CD274: variants seen among roughly 807,000 people sequenced by gnomAD.
The protein encoded by CD274 is programmed cell death 1 ligand 1.
CD274 carries 8 observed loss-of-function variants against 30.1 expected under a neutral mutation model. The ratio of observed to expected loss-of-function variants is 0.27; its 90% CI spans 0.16 to 0.48. CD274 has a LOEUF of 0.48. CD274 is among the 20% of genes least tolerant of loss of function. The probability of loss-of-function intolerance (pLI) is 0.99; values close to 1 mark genes in which losing one functional copy is unlikely to be tolerated. For synonymous variants in CD274, 152 were observed against 124.6 expected (o/e 1.22, Z -1.46); for missense variants, 353 against 346.6 (o/e 1.02, Z -0.15).
intron 5 of CD274, among the ~76,000 whole-genome samples, chr9:5,466,241 T>C (rs1819496074): frequency 6.6e-6 from 1 of 152,170 alleles, no homozygotes; most frequent in African/African-American, 2.4e-5. Context: ...GGAAGGGGAT[T>C]CCAATAGTCG....
chr9:5,466,602 C>A (rs984245532), intron 5 of CD274, among the ~76,000 whole-genome samples, 168 bp from the exon 6 acceptor site: 1 of 151,900 alleles, frequency 6.6e-6, no homozygotes, highest in Admixed American at 6.6e-5. Flanking sequence ...ATGTGCCCTA[C>A]ACTATTGAAT....
chr9:5,459,913 C>T (rs1819374471), intron 3 of CD274, among the ~76,000 whole-genome samples: 1 of 151,986 alleles, frequency 6.6e-6, no homozygotes. Context: ...CCCCAAAATT[C>T]CCAGCCCTGT....
At position 5,450,590 on chromosome 9, in the gene CD274, C is replaced by T. The variant is rs955903612; in HGVS notation, c.-21C>T. On this transcript the variant is annotated 5_prime_UTR_variant, in exon 1 of 7. Coordinates refer to ENST00000381577, the MANE Select transcript of CD274 (RefSeq NM_014143.4). ...TCCGCACCAGCCGCGCTTCTGTCCG[C>T]CTGCAGGTAGGGAGCGTTGTTCCTC... 2.0e-5 allele frequency: 3 copies of T among 152,358 alleles called. No homozygotes were observed. The highest frequency in any genetic ancestry group is 7.2e-5 in the African/African-American group (3 of 41,478). The allele number at this position is 152,358 out of a possible 1,614,324, so 9.4% of individuals were successfully genotyped here. A position where few individuals can be genotyped will look rare whatever the true frequency, so the allele number is the denominator to read the frequency against.
intron 1 of CD274, among the ~76,000 whole-genome samples, chr9:5,452,427 T>TC (rs1464418946): frequency 6.6e-6 from 1 of 152,186 alleles, no homozygotes; most frequent in Non-Finnish European, 1.5e-5. Context: ...CAAACCCACT[T>TC]CCCCAACCTG....
chr9:5,470,412 T>C lies in CD274; in HGVS notation c.*2550T>C. ...TCGTAAATGGCATAGGCAGAGATGA[T>C]ACCTAATTCTGCATTTGATTGTCAC... On this transcript the variant is annotated 3_prime_UTR_variant, in exon 7 of 7. Transcript: ENST00000381577. The C allele has an allele frequency of 4.3e-6, 1 of 230,942 alleles. No individual in the cohort carries two copies. Among genetic ancestry groups the C allele is most frequent in the East Asian group, 6.1e-5 (1 of 16,262 alleles). The allele number at this position is 230,942 out of a possible 1,614,324, so 14.3% of individuals were successfully genotyped here. A position where few individuals can be genotyped will look rare whatever the true frequency, so the allele number is the denominator to read the frequency against.
In CD274 at chr9:5,468,072, A is replaced by G. The variant is rs1819526996; in HGVS notation, c.*210A>G. 8 of 587,498 alleles carry G rather than the reference A, an allele frequency of 1.4e-5. No individual in the cohort carries two copies. The highest frequency in any genetic ancestry group is 3.0e-5 in the Admixed American group (1 of 32,986). 36.4% of individuals were successfully genotyped at this position (587,498 alleles called of 1,614,324 possible). ...AGTCAAACAGGGAGCCTGGAGGGAG[A>G]CCTTGATACTTTCAAATGCCTGAGG... On this transcript the variant is annotated 3_prime_UTR_variant, in exon 7 of 7. Transcript: ENST00000381577.
At chr9:5,467,632 C>A (rs1234976195) in intron 6 of CD274, among the ~76,000 whole-genome samples, 1 of 152,116 alleles carries the variant, frequency 6.6e-6, no homozygotes, top group Admixed American at 6.5e-5. Flanking sequence ...TGCTGGGGGA[C>A]AAGCCATCCC....
chr9:5,456,550 T>TAAGGAACTC (rs2131209713), intron 2 of CD274, among the ~76,000 whole-genome samples: 1 of 152,186 alleles, frequency 6.6e-6, no homozygotes, highest in African/African-American at 2.4e-5. Flanking sequence ...TGAGGATACT[T>TAAGGAACTC]TAAGGAAGAA....
chr9:5,453,680 T>C (rs1432413930), intron 1 of CD274, among the ~76,000 whole-genome samples: 1 of 152,220 alleles, frequency 6.6e-6, no homozygotes, highest in African/African-American at 2.4e-5. Context: ...ATTAAATGTA[T>C]GATAAGGTTA....
intron 3 of CD274, among the ~76,000 whole-genome samples, chr9:5,458,652 G>T (rs891076770): frequency 1.3e-5 from 2 of 152,132 alleles, no homozygotes; most frequent in African/African-American, 4.8e-5. Context: ...AAAATCATGT[G>T]GGGATTAAGA....
chr9:5,452,092 C>G (rs1819216259), intron 1 of CD274, among the ~76,000 whole-genome samples: 1 of 141,836 alleles, frequency 7.1e-6, no homozygotes, highest in Non-Finnish European at 1.5e-5. Context: ...GTGGTGCAAT[C>G]TCAGCTCACT....
In CD274 at chr9:5,457,089, C is replaced by G. The variant is rs1204651428; in HGVS notation, c.63C>G (p.Val21=). ...TYWHLLNAFT[V]TVPKDLYVVE... is the part of the protein sequence containing the mutation. ...CTTCTTTCTTTTTAGCATTTACTGT[C>G]ACGGTTCCCAAGGACCTATATGTGG... The change falls in exon 3 of 7, where the codon GTC becomes GTG. Residue 21 remains valine, a synonymous_variant. Coordinates refer to ENST00000381577, the MANE Select transcript of CD274 (RefSeq NM_014143.4). The G allele has an allele frequency of 1.3e-6, 2 of 1,598,818 alleles. No individual in the cohort carries two copies. The highest frequency in any genetic ancestry group is 2.7e-5 in the African/African-American group (2 of 74,528).
In CD274 at chr9:5,468,743, G is replaced by T. The variant is rs1269126052; in HGVS notation, c.*881G>T. The T allele has an allele frequency of 8.6e-6, 2 of 232,994 alleles. No individual in the cohort carries two copies. The highest frequency in any genetic ancestry group is 1.7e-5 in the Non-Finnish European group (2 of 117,944). The allele number at this position is 232,994 out of a possible 1,614,324, so 14.4% of individuals were successfully genotyped here. A position where few individuals can be genotyped will look rare whatever the true frequency, so the allele number is the denominator to read the frequency against. Reference sequence around the variant, plus strand: ...TTATTTTACCCATCGTACAGCTGAGGAAGCAAACAGATTAAGTAACTTGCC... The same window carrying T: ...TTATTTTACCCATCGTACAGCTGAGTAAGCAAACAGATTAAGTAACTTGCC... On this transcript the variant is annotated 3_prime_UTR_variant, in exon 7 of 7. Transcript: ENST00000381577.
Position 5,468,399 on chromosome 9 carries a change from G to C in CD274, c.*537G>C, listed in dbSNP as rs1819532500. The C allele has an allele frequency of 8.6e-6, 2 of 233,688 alleles. No homozygotes were observed. The highest frequency in any genetic ancestry group is 1.2e-4 in the East Asian group (2 of 16,576). The allele number at this position is 233,688 out of a possible 1,614,324, so 14.5% of individuals were successfully genotyped here. A position where few individuals can be genotyped will look rare whatever the true frequency, so the allele number is the denominator to read the frequency against. On this transcript the variant is annotated 3_prime_UTR_variant, in exon 7 of 7. Coordinates refer to ENST00000381577, the MANE Select transcript of CD274 (RefSeq NM_014143.4). The stretch of plus-strand genomic sequence containing the variant: ...TTTCTTTTGAAGATATATTGTAGTA[G>C]ATGTTACAATTTTGTCGCCAAACTA...
intron 1 of CD274, among the ~76,000 whole-genome samples, chr9:5,452,229 C>A (rs1819219635): frequency 6.6e-6 from 1 of 152,120 alleles, no homozygotes; most frequent in Non-Finnish European, 1.5e-5. Context: ...ATTGGCCAGG[C>A]TGATCTCGAA....
In CD274 at chr9:5,468,444, T is replaced by G; in HGVS notation, c.*582T>G. 1 of 233,552 alleles carries G rather than the reference T, an allele frequency of 4.3e-6. No individual in the cohort carries two copies. Among genetic ancestry groups the G allele is most frequent in the East Asian group, 6.0e-5 (1 of 16,578 alleles). The allele number at this position is 233,552 out of a possible 1,614,324, so 14.5% of individuals were successfully genotyped here. A position where few individuals can be genotyped will look rare whatever the true frequency, so the allele number is the denominator to read the frequency against. ...AAACTAAACTTGCTGCTTAATGATTTGCTCACATCTAGTAAAACATGGAGT... is the reference window on the plus strand; with the variant it reads ...AAACTAAACTTGCTGCTTAATGATTGGCTCACATCTAGTAAAACATGGAGT... On this transcript the variant is annotated 3_prime_UTR_variant, in exon 7 of 7. Transcript: ENST00000381577.
chr9:5,468,023 G>C lies in CD274; in HGVS notation c.*161G>C, dbSNP rs1355272813. 4 of 654,674 alleles carry C rather than the reference G, an allele frequency of 6.1e-6. No individual in the cohort carries two copies. The Admixed American group carries it at 1.1e-4, about 18-fold the overall frequency. The allele number at this position is 654,674 out of a possible 1,614,324, so 40.6% of individuals were successfully genotyped here. On this transcript the variant is annotated 3_prime_UTR_variant, in exon 7 of 7. Coordinates refer to ENST00000381577, the MANE Select transcript of CD274 (RefSeq NM_014143.4). ...CTGAAAATGGAACCTGGCGAAAGCA[G>C]AGGAGGAGAATGAAGAAAGATGGAG...
At chr9:5,453,279 A>T (rs1047644705) in intron 1 of CD274, among the ~76,000 whole-genome samples, 2 of 152,236 alleles carry the variant, frequency 1.3e-5, no homozygotes, top group Non-Finnish European at 2.9e-5. Flanking sequence ...GGTTGATAAG[A>T]AACCAGTGAC....
chr9:5,461,075 C>G (rs1236652294), intron 3 of CD274, among the ~76,000 whole-genome samples: 1 of 152,136 alleles, frequency 6.6e-6, no homozygotes, highest in Admixed American at 6.6e-5. Context: ...GCTAATATGT[C>G]AAGGCATAAT....
Sources: allele counts gnomAD v4.1 joint callset (sites outside exome capture counted in the v4.1 genomes callset), GRCh38; gene constraint gnomAD v4.1.1; transcripts MANE v1.5; gene names NCBI Gene and HGNC (gene_info 2026-07-23, HGNC 2026-07-21).